The following SPATS2 variants were observed in gnomAD, a reference collection of about 807,000 sequenced individuals.
SPATS2 encodes the protein spermatogenesis-associated serine-rich protein 2.
A neutral mutation model predicts 63.7 loss-of-function variants in SPATS2; 38 were observed. The observed-to-expected ratio is 0.60, with a 90% CI of 0.46 to 0.78. The LOEUF is 0.78. Ranked by LOEUF, SPATS2 falls within the 30% of genes least tolerant of loss-of-function variation. The pLI, the probability that SPATS2 is intolerant of heterozygous loss-of-function variation, is 0.00. For synonymous variants in SPATS2, 207 were observed against 232.9 expected, an observed-to-expected ratio of 0.89 and a Z score of 1.01; for missense variants, 588 against 666.2, an observed-to-expected ratio of 0.88 and a Z score of 1.29.
intron 9 of SPATS2, among the ~76,000 whole-genome samples, chr12:49,513,198 CGAGA>C (rs1565759108): frequency 1.3e-5 from 2 of 148,850 alleles, no homozygotes; most frequent in East Asian, 3.9e-4. Context: ...TGAATTAGAG[CGAGA>C]GAGAAAGAGT....
At chr12:49,378,520 A>G (rs914110472) in intron 2 of SPATS2, among the ~76,000 whole-genome samples, 20 of 151,486 alleles carry the variant, frequency 1.3e-4, no homozygotes, top group Non-Finnish European at 2.9e-4. Flanking sequence ...GATGATCTCT[A>G]TCTCCTGACC....
intron 3 of SPATS2, among the ~76,000 whole-genome samples, chr12:49,464,854 C>T (rs1945884144): frequency 1.3e-5 from 2 of 152,004 alleles, no homozygotes. Flanking sequence ...CCCTCTTTTC[C>T]TTATCCCCCA....
chr12:49,469,001 T>G (rs1945980810), intron 3 of SPATS2, among the ~76,000 whole-genome samples: 1 of 152,100 alleles, frequency 6.6e-6, no homozygotes, highest in South Asian at 2.1e-4. Context: ...ACCTGTAATC[T>G]CAGCACCTCT....
At chr12:49,490,772 T>A (rs1946369086) in intron 6 of SPATS2, 41 bp downstream of exon 6, 1 of 1,586,004 alleles carries the variant, frequency 6.3e-7, no homozygotes, top group Non-Finnish European at 8.6e-7. Flanking sequence ...ATGTGTATAT[T>A]ATTTTTAAAA....
intron 2 of SPATS2, chr12:49,389,808 G>A (rs1944388603): frequency 2.0e-6 from 2 of 1,022,182 alleles, no homozygotes; most frequent in South Asian, 2.5e-5. Flanking sequence ...GTCGGCCTTG[G>A]AACTTACGAT....
At chr12:49,483,701 C>T (rs964290762) in intron 3 of SPATS2, among the ~76,000 whole-genome samples, 5 of 152,020 alleles carry the variant, frequency 3.3e-5, no homozygotes, top group African/African-American at 1.2e-4. Context: ...AACATTTTTC[C>T]TTTTACTTGC....
intron 2 of SPATS2, among the ~76,000 whole-genome samples, chr12:49,374,602 A>C (rs2137149942): frequency 6.6e-6 from 1 of 152,242 alleles, no homozygotes; most frequent in Non-Finnish European, 1.5e-5. Flanking sequence ...GCAGGGTCTG[A>C]GGATATAGAT....
At chr12:49,373,482 TA>T (rs1007363059) in intron 2 of SPATS2, among the ~76,000 whole-genome samples, 2 of 152,186 alleles carry the variant, frequency 1.3e-5, no homozygotes, top group Non-Finnish European at 2.9e-5. Flanking sequence ...GAAATATTTC[TA>T]AAGATTTGAT....
chr12:49,512,076 A>T (rs1946762934), intron 9 of SPATS2, among the ~76,000 whole-genome samples: 1 of 152,230 alleles, frequency 6.6e-6, no homozygotes. Context: ...TAATGCCATT[A>T]TATAATTTAC....
chr12:49,484,479 A>G, intron 3 of SPATS2, 111 bp from the exon 4 acceptor site: 1 of 935,138 alleles, frequency 1.1e-6, no homozygotes, highest in East Asian at 2.6e-5. Context: ...AATAGCAACT[A>G]AGTTGCTGTT....
In SPATS2 at chr12:49,522,861, G is replaced by T; in HGVS notation, c.1111+8G>T. 6.2e-7 allele frequency: 1 copy of T among 1,610,458 alleles called. No homozygotes were observed. Among genetic ancestry groups the T allele is most frequent in the South Asian group, 1.1e-5 (1 of 90,916 alleles). On this transcript the variant is annotated splice_region_variant and intron_variant, in intron 12 of 13. Transcript: ENST00000552918. The stretch of plus-strand genomic sequence containing the variant: ...TTGATTCATTTGGACAAGGTGAGAT[G>T]GTGAGAGGGTCTGGGCACTACAGGT...
chr12:49,390,280 A>C, intron 2 of SPATS2: 1 of 559,444 alleles, frequency 1.8e-6, no homozygotes. Context: ...TGTACAGTGT[A>C]CTGGCTATGA....
intron 3 of SPATS2, among the ~76,000 whole-genome samples, chr12:49,465,702 G>C (rs1188499501): frequency 6.6e-6 from 1 of 152,170 alleles, no homozygotes; most frequent in Non-Finnish European, 1.5e-5. Flanking sequence ...CCAGCACTTT[G>C]GGAGGCCAAG....
At chr12:49,512,962 C>G in intron 9 of SPATS2, 1 of 1,261,304 alleles carries the variant, frequency 7.9e-7, no homozygotes, top group Non-Finnish European at 1.0e-6. Flanking sequence ...TGTATCTTCT[C>G]TCCAGTTTGA....
At chr12:49,463,438 T>G (rs900160081) in intron 3 of SPATS2, 1 of 149,368 alleles carries the variant, frequency 6.7e-6, no homozygotes, top group Non-Finnish European at 1.5e-5. Flanking sequence ...AAAAATAGAC[T>G]ACAACATAGA....
intron 2 of SPATS2, among the ~76,000 whole-genome samples, chr12:49,418,467 T>C (rs952230883): frequency 1.3e-5 from 2 of 151,972 alleles, no homozygotes; most frequent in African/African-American, 4.8e-5. Flanking sequence ...GCCCAGCTAA[T>C]GTTTGTATTT....
chr12:49,378,489 G>C (rs906185347), intron 2 of SPATS2, among the ~76,000 whole-genome samples: 1 of 151,266 alleles, frequency 6.6e-6, no homozygotes, highest in Non-Finnish European at 1.5e-5. Context: ...TAGTAGAGAC[G>C]GGTTTCACCG....
chr12:49,376,188 G>T (rs1453353635), intron 2 of SPATS2, among the ~76,000 whole-genome samples: 17 of 135,266 alleles, frequency 1.3e-4, no homozygotes, highest in Non-Finnish European at 2.3e-4. Context: ...TGCAACCTCC[G>T]CCTCCCAGGT....
chr12:49,499,473 T>G lies in SPATS2; in HGVS notation c.704-597T>G, dbSNP rs556108963. Among the ~76,000 whole-genome samples the G allele has an allele frequency of 1.4e-4, 22 of 152,170 alleles. No individual in the cohort carries two copies. The East Asian group carries it at 2.7e-3, about 19-fold the overall frequency. ...TGGTTCTTTGGTTTTGTTTTGTTTTTTTTTTGCCTGTTGTCTTTCCAGTCT... is the reference window on the plus strand; with the variant it reads ...TGGTTCTTTGGTTTTGTTTTGTTTTGTTTTTGCCTGTTGTCTTTCCAGTCT... On this transcript the variant is annotated intron_variant, in intron 8 of 13. Transcript: ENST00000552918.
Sources: allele counts gnomAD v4.1 joint callset (sites outside exome capture counted in the v4.1 genomes callset), GRCh38; gene constraint gnomAD v4.1.1; transcripts MANE v1.5; gene names NCBI Gene and HGNC (gene_info 2026-07-23, HGNC 2026-07-21).